Variants in CEP128 observed in about 807,000 individuals in gnomAD.
The protein encoded by CEP128 is centrosomal protein 128.
In CEP128, 132 loss-of-function variants were observed where a neutral mutation model predicts 156.7. The ratio of observed to expected loss-of-function variants is 0.84; its 90% CI spans 0.73 to 0.97. The LOEUF (loss-of-function observed/expected upper bound fraction) is 0.97, where lower values mean the gene tolerates loss of function less well. Among genes scored for constraint, CEP128 ranks in the 50% least tolerant of loss-of-function variants. CEP128 has a pLI of 0.00. For synonymous variants in CEP128, 469 were observed against 448.9 expected, an observed-to-expected ratio of 1.04 and a Z score of -0.57; for missense variants, 1,252 against 1,281.9, an observed-to-expected ratio of 0.98 and a Z score of 0.36.
intron 13 of CEP128, chr14:80,830,540 T>A (rs1279948323): frequency 4.4e-6 from 1 of 228,346 alleles, no homozygotes; most frequent in Non-Finnish European, 8.5e-6. Context: ...TGAGGTCTTT[T>A]CCTTTGATTT....
chr14:80,857,581 C>A (rs1237672913), intron 9 of CEP128, among the ~76,000 whole-genome samples: 1 of 151,194 alleles, frequency 6.6e-6, no homozygotes, highest in Non-Finnish European at 1.5e-5. Flanking sequence ...CAAAATACAA[C>A]AACAAAAAAA....
At chr14:80,632,799 C>T (rs953278396) in intron 19 of CEP128, among the ~76,000 whole-genome samples, 22 of 152,042 alleles carry the variant, frequency 1.4e-4, no homozygotes, top group Non-Finnish European at 3.1e-4. Flanking sequence ...ATTGCTGAGT[C>T]AAGTGGCAAG....
At chr14:80,730,542 T>C (rs1898226983) in intron 19 of CEP128, among the ~76,000 whole-genome samples, 1 of 152,210 alleles carries the variant, frequency 6.6e-6, no homozygotes, top group African/African-American at 2.4e-5. Flanking sequence ...ATAAATTATA[T>C]GTATACCTCT....
chr14:80,536,261 T>G (rs1889478109), intron 21 of CEP128, among the ~76,000 whole-genome samples: 1 of 152,216 alleles, frequency 6.6e-6, no homozygotes, highest in Non-Finnish European at 1.5e-5. Flanking sequence ...CATAAATATA[T>G]TTTAGTATTT....
intron 14 of CEP128, among the ~76,000 whole-genome samples, chr14:80,786,555 G>A (rs1473129182): frequency 1.3e-5 from 2 of 152,130 alleles, no homozygotes; most frequent in African/African-American, 4.8e-5. Context: ...AGAGCACAAA[G>A]ATAACATGAG....
intron 19 of CEP128, among the ~76,000 whole-genome samples, chr14:80,705,250 C>T (rs76154348): frequency 0.053 from 7,990 of 151,958 alleles, 355 homozygotes; most frequent in South Asian, 0.23. Context: ...CCCTTTTAAT[C>T]TAGATTCTCC....
At chr14:80,764,479 C>T (rs1197847201) in intron 16 of CEP128, among the ~76,000 whole-genome samples, 1 of 150,676 alleles carries the variant, frequency 6.6e-6, no homozygotes, top group Non-Finnish European at 1.5e-5. Context: ...GCAGTCCGGC[C>T]TGGGCGACAG....
chr14:80,667,237 A>C (rs191447216), intron 19 of CEP128, among the ~76,000 whole-genome samples: 1 of 152,208 alleles, frequency 6.6e-6, no homozygotes, highest in Non-Finnish European at 1.5e-5. Context: ...CTGATGAAAA[A>C]TGCTGCCTGA....
chr14:80,803,158 T>C (rs117934147), intron 13 of CEP128, among the ~76,000 whole-genome samples: 3,302 of 152,304 alleles, frequency 0.022, 52 homozygotes, highest in Non-Finnish European at 0.031. Flanking sequence ...CAGGGCATAG[T>C]AGGCAAGACC....
intron 19 of CEP128, among the ~76,000 whole-genome samples, chr14:80,738,239 C>A (rs1898634247): frequency 6.6e-6 from 1 of 152,084 alleles, no homozygotes; most frequent in African/African-American, 2.4e-5. Flanking sequence ...AGAAAAGATA[C>A]CTACAGTTCG....
intron 19 of CEP128, among the ~76,000 whole-genome samples, chr14:80,652,794 A>G (rs576418335): frequency 1.3e-5 from 2 of 152,318 alleles, no homozygotes; most frequent in South Asian, 4.2e-4. Flanking sequence ...TTCCTCAAGG[A>G]TCTAGAATTA....
chr14:80,816,069 A>T lies in CEP128; in HGVS notation c.1209+15074T>A, dbSNP rs558999686. On this transcript the variant is annotated intron_variant, in intron 13 of 24. Transcript: ENST00000555265. ...TCACCATTATGCAATATATCCATGT[A>T]AGAAAACTACACTTATACCCCTTAA... Among the ~76,000 whole-genome samples the T allele has an allele frequency of 4.6e-5, 7 of 152,320 alleles. No homozygotes were observed. The East Asian group carries it at 1.2e-3, about 25-fold the overall frequency.
intron 4 of CEP128, among the ~76,000 whole-genome samples, chr14:80,912,575 A>C (rs1884303796): frequency 6.6e-6 from 1 of 152,186 alleles, no homozygotes; most frequent in South Asian, 2.1e-4. Flanking sequence ...TGAACTGCCC[A>C]AATATAACAA....
intron 2 of CEP128, among the ~76,000 whole-genome samples, chr14:80,949,930 A>G (rs1222472372): frequency 1.3e-5 from 2 of 152,226 alleles, no homozygotes; most frequent in East Asian, 1.9e-4. Context: ...ACACTGTTGT[A>G]TGTTGAGTTT....
At chr14:80,651,042 T>G (rs1894880195) in intron 19 of CEP128, among the ~76,000 whole-genome samples, 1 of 152,182 alleles carries the variant, frequency 6.6e-6, no homozygotes, top group Non-Finnish European at 1.5e-5. Flanking sequence ...TGAATCCACC[T>G]GGTCCTGGAC....
In CEP128 at chr14:80,807,081, C is replaced by CT. The variant is rs200937057; in HGVS notation, c.1210-13972dup. On this transcript the variant is annotated intron_variant, in intron 13 of 24. Coordinates refer to ENST00000555265, the MANE Select transcript of CEP128 (RefSeq NM_152446.5). ...TATTGTTTCAAATAAATATAATAAT[C>CT]TTTTTTTTTATTCAAGTAGACATGG... 3.0e-3 allele frequency among the ~76,000 whole-genome samples: 454 copies of CT among 150,780 alleles called. 6 individuals carry two copies. Among genetic ancestry groups the CT allele is most frequent in the African/African-American group, 9.6e-3 (396 of 41,274 alleles).
At chr14:80,819,181 A>T (rs980489644) in intron 13 of CEP128, among the ~76,000 whole-genome samples, 1 of 151,130 alleles carries the variant, frequency 6.6e-6, no homozygotes, top group Non-Finnish European at 1.5e-5. Context: ...GCAGACCGAC[A>T]ACTTTCTTTA....
intron 16 of CEP128, among the ~76,000 whole-genome samples, chr14:80,768,386 T>G (rs1900348242): frequency 6.6e-6 from 1 of 152,210 alleles, no homozygotes; most frequent in Non-Finnish European, 1.5e-5. Context: ...TGGGTCCATG[T>G]GTGAGAGAAT....
At chr14:80,666,905 T>C (rs1270242371) in intron 19 of CEP128, among the ~76,000 whole-genome samples, 1 of 152,126 alleles carries the variant, frequency 6.6e-6, no homozygotes, top group Non-Finnish European at 1.5e-5. Flanking sequence ...CCAATCAGAA[T>C]GGCATAGTAA....
Sources: gnomAD v4.1 joint callset for allele counts (sites outside exome capture counted in the v4.1 genomes callset) on GRCh38, gnomAD v4.1.1 for gene constraint, MANE v1.5 for transcripts, NCBI Gene and HGNC (gene_info 2026-07-23, HGNC 2026-07-21) for gene names.